VPS35L: variants seen among roughly 807,000 people sequenced by gnomAD.
The protein encoded by VPS35L is VPS35 endosomal protein sorting factor like, also known as VPS35 endosomal protein-sorting factor-like.
VPS35L carries 83 observed loss-of-function variants against 133.0 expected under a neutral mutation model. The observed-to-expected ratio is 0.62, with a 90% CI of 0.52 to 0.75. VPS35L has a LOEUF of 0.75. Among genes scored for constraint, VPS35L ranks in the 30% least tolerant of loss-of-function variants. VPS35L has a pLI of 0.00. For synonymous variants in VPS35L, 423 were observed against 449.9 expected (o/e 0.94, Z 0.76); for missense variants, 1,083 against 1,206.8 (o/e 0.90, Z 1.52).
intron 18 of VPS35L, among the ~76,000 whole-genome samples, chr16:19,632,323 CA>C (rs1026431369): frequency 6.6e-6 from 1 of 152,148 alleles, no homozygotes; most frequent in Non-Finnish European, 1.5e-5. Flanking sequence ...CCAATTGTCT[CA>C]TTTTTTTTAA....
At chr16:19,641,529 A>G (rs373430911) in intron 21 of VPS35L, among the ~76,000 whole-genome samples, 17 of 152,290 alleles carry the variant, frequency 1.1e-4, no homozygotes, top group African/African-American at 4.1e-4. Context: ...CACTTTGGAA[A>G]ATTGAGTTTG....
intron 12 of VPS35L, among the ~76,000 whole-genome samples, chr16:19,612,817 A>G (rs1972768228): frequency 6.6e-6 from 1 of 152,200 alleles, no homozygotes. Context: ...TTTGTTACAT[A>G]TAAAGTGCCT....
chr16:19,620,670 G>A (rs1973049126), intron 14 of VPS35L, among the ~76,000 whole-genome samples: 2 of 152,052 alleles, frequency 1.3e-5, no homozygotes, highest in Non-Finnish European at 2.9e-5. Flanking sequence ...TAAAAATTAG[G>A]CCAGGCGTGG....
At chr16:19,654,780 GC>G (rs1195583290) in intron 26 of VPS35L, among the ~76,000 whole-genome samples, 3 of 152,294 alleles carry the variant, frequency 2.0e-5, no homozygotes, top group African/African-American at 7.2e-5. Context: ...CAAATTGTGA[GC>G]TGCAGATACC....
chr16:19,647,635 T>A, intron 23 of VPS35L, 149 bp from the exon 24 acceptor site: 1 of 637,468 alleles, frequency 1.6e-6, no homozygotes, highest in Non-Finnish European at 2.8e-6. Flanking sequence ...TCTGAGCTTC[T>A]GTTTTATACC....
intron 26 of VPS35L, among the ~76,000 whole-genome samples, chr16:19,663,972 T>G (rs1277097968): frequency 6.6e-6 from 1 of 152,094 alleles, no homozygotes; most frequent in African/African-American, 2.4e-5. Flanking sequence ...GAGTGTTTGA[T>G]TTCTTCCTGT....
In VPS35L at chr16:19,633,972, C is replaced by T. The variant is rs367559050; in HGVS notation, c.1635+800C>T. Among the ~76,000 whole-genome samples the T allele has an allele frequency of 4.6e-5, 7 of 152,110 alleles. No homozygotes were observed. The South Asian group carries it at 1.2e-3, about 27-fold the overall frequency. ...CGATGTCCTGACTTCGTGATCCACC[C>T]GCCTCAGCCTCCCAAAGTGCTGGGA... is the stretch of plus-strand genomic sequence containing the variant. On this transcript the variant is annotated intron_variant, in intron 19 of 30. Coordinates refer to ENST00000417362, the MANE Select transcript of VPS35L (RefSeq NM_020314.7). This position sits in a 1 kb window ranked among gnomAD's most constrained non-coding sequence, Gnocchi z 4.1.
At chr16:19,668,095 C>G (rs1974755368) in intron 26 of VPS35L, among the ~76,000 whole-genome samples, 1 of 152,122 alleles carries the variant, frequency 6.6e-6, no homozygotes, top group Non-Finnish European at 1.5e-5. Context: ...TAAACATAGG[C>G]CTTTCTTCCC....
intron 24 of VPS35L, among the ~76,000 whole-genome samples, chr16:19,649,168 TTTAG>T (rs1301171048): frequency 5.9e-5 from 9 of 151,946 alleles, no homozygotes; most frequent in Non-Finnish European, 1.3e-4. Context: ...CTTTGTATTT[TTTAG>T]TAGAGATGAG....
intron 26 of VPS35L, among the ~76,000 whole-genome samples, chr16:19,653,076 T>C (rs1974185709): frequency 6.6e-6 from 1 of 152,198 alleles, no homozygotes; most frequent in African/African-American, 2.4e-5. Context: ...ACAGCCAGTG[T>C]TTCTCCATCT....
intron 25 of VPS35L, 67 bp downstream of exon 25, chr16:19,650,526 A>C (rs1486735834): frequency 1.6e-6 from 2 of 1,248,296 alleles, no homozygotes; most frequent in African/African-American, 3.0e-5. Context: ...GCAGGTTACT[A>C]AATTACATTT....
intron 2 of VPS35L, among the ~76,000 whole-genome samples, chr16:19,565,248 G>A (rs1305247744): frequency 6.6e-6 from 1 of 151,356 alleles, no homozygotes; most frequent in African/African-American, 2.4e-5. Context: ...TAGAGATGGG[G>A]TTTCGCCATG....
chr16:19,629,752 C>A lies in VPS35L; in HGVS notation c.1501-15C>A. On this transcript the variant is annotated splice_polypyrimidine_tract_variant and intron_variant, in intron 17 of 30. Transcript: ENST00000417362. ...GTTGTACTTAATGTTAAGATGTTTT[C>A]CTTTCTCTTTGTAGGACTACATTAA... 2 of 1,611,824 alleles carry A rather than the reference C, an allele frequency of 1.2e-6. No homozygotes were observed. Among genetic ancestry groups the A allele is most frequent in the Non-Finnish European group, 1.7e-6 (2 of 1,178,014 alleles).
chr16:19,657,926 C>G (rs1158470922), intron 26 of VPS35L, among the ~76,000 whole-genome samples: 1 of 152,156 alleles, frequency 6.6e-6, no homozygotes. Context: ...TGAATGCAGA[C>G]AAAGTAGGTT....
chr16:19,626,290 C>A, intron 15 of VPS35L, 67 bp downstream of exon 15: 1 of 1,155,744 alleles, frequency 8.7e-7, no homozygotes, highest in Non-Finnish European at 1.3e-6. Context: ...TTGAGCTTGG[C>A]CTGCTTACCT....
At chr16:19,595,314 C>T (rs891125907) in intron 8 of VPS35L, among the ~76,000 whole-genome samples, 2 of 152,030 alleles carry the variant, frequency 1.3e-5, no homozygotes, top group South Asian at 2.1e-4. Flanking sequence ...GGCTTGGCCC[C>T]GGGAGGCGGT....
chr16:19,643,693 C>A (rs1221508546), intron 22 of VPS35L, among the ~76,000 whole-genome samples: 1 of 152,056 alleles, frequency 6.6e-6, no homozygotes, highest in African/African-American at 2.4e-5. Flanking sequence ...CACCTGTAAT[C>A]CCAGCACTTT....
intron 2 of VPS35L, among the ~76,000 whole-genome samples, chr16:19,567,209 T>G (rs1261160669): frequency 6.6e-6 from 1 of 152,188 alleles, no homozygotes; most frequent in African/African-American, 2.4e-5. Context: ...TAAACTTGAT[T>G]TAACACCCAT....
chr16:19,607,589 G>C (rs1597353933), intron 9 of VPS35L, among the ~76,000 whole-genome samples: 1 of 152,290 alleles, frequency 6.6e-6, no homozygotes, highest in African/African-American at 2.4e-5. Flanking sequence ...TCGTGAGCCG[G>C]CAACATAATT....
Sources: gnomAD v4.1 joint callset for allele counts (sites outside exome capture counted in the v4.1 genomes callset) on GRCh38, gnomAD v4.1.1 for gene constraint, Gnocchi (gnomAD v3.1) non-coding constraint, MANE v1.5 for transcripts, NCBI Gene and HGNC (gene_info 2026-07-23, HGNC 2026-07-21) for gene names.